SRPK2: variants seen among roughly 807,000 people sequenced by gnomAD.
The protein encoded by SRPK2 is SRSF protein kinase 2.
Under a neutral mutation model 90.8 loss-of-function variants are expected in SRPK2, and 21 were observed. That is an observed-to-expected ratio of 0.23 (90% CI 0.16 to 0.33). The LOEUF (loss-of-function observed/expected upper bound fraction) is 0.33, where lower values mean the gene tolerates loss of function less well. Among genes scored for constraint, SRPK2 ranks in the 10% least tolerant of loss-of-function variants. The pLI, the probability that SRPK2 is intolerant of heterozygous loss-of-function variation, is 1.00. For missense variants in SRPK2, 620 were observed against 869.0 expected, an observed-to-expected ratio of 0.71 and a Z score of 3.60; for synonymous variants, 288 against 311.1, an observed-to-expected ratio of 0.93 and a Z score of 0.78.
chr7:105,297,737 ATTTTTTTTT>A (rs202204947), intron 2 of SRPK2, among the ~76,000 whole-genome samples: 4 of 120,098 alleles, frequency 3.3e-5, no homozygotes, highest in Non-Finnish European at 5.2e-5. Context: ...TAAGCTGTAA[ATTTTTTTTT>A]TTTTTTTTTT....
chr7:105,389,432 C>A, upstream of SRPK2: 1 of 1,198,732 alleles, frequency 8.3e-7, no homozygotes, highest in Non-Finnish European at 1.1e-6. Flanking sequence ...GCTGGGAAAC[C>A]TGGGTCCGCG....
chr7:105,237,797 A>G (rs1276009584), intron 2 of SRPK2, among the ~76,000 whole-genome samples: 1 of 152,220 alleles, frequency 6.6e-6, no homozygotes, highest in Non-Finnish European at 1.5e-5. Context: ...AGCACCATCC[A>G]GGGCAATTAA....
rs946900125 is a variant in SRPK2, at chr7:105,124,110, T to C, written c.1915+2138A>G. ...CCACGTGGAAGCTGCCTTCCAGCCATTTATGGCCACACGCAGGCCGCTCTC... is the reference window on the plus strand; with the variant it reads ...CCACGTGGAAGCTGCCTTCCAGCCACTTATGGCCACACGCAGGCCGCTCTC... On this transcript the variant is annotated intron_variant, in intron 15 of 15. Coordinates refer to ENST00000393651, the MANE Select transcript of SRPK2 (RefSeq NM_182692.3). Among the ~76,000 whole-genome samples, 116 of 152,170 alleles carry C rather than the reference T, an allele frequency of 7.6e-4. 2 individuals carry two copies. Among genetic ancestry groups the C allele is most frequent in the Non-Finnish European group, 2.5e-4 (17 of 68,028 alleles).
At chr7:105,385,553 C>T (rs114645604) in intron 2 of SRPK2, among the ~76,000 whole-genome samples, 4,527 of 152,206 alleles carry the variant, frequency 0.03, 249 homozygotes, top group African/African-American at 0.1. Flanking sequence ...AGGGTAGACA[C>T]GCTCTGACTC....
In SRPK2 at chr7:105,146,632, G is replaced by A. The variant is rs758674324; in HGVS notation, c.648C>T (p.His216=). The change falls in exon 8 of 16, where the codon CAC becomes CAT. Residue 216 remains histidine (H), a synonymous_variant. Coordinates refer to ENST00000393651, the MANE Select transcript of SRPK2 (RefSeq NM_182692.3). ...RQVLQGLDYL[H]SKCKIIHTDI... is the part of the protein sequence containing the mutation. ...CAGTATGAATGATCTTGCACTTACT[G>A]TGTAAGTAATCTAACCCTTGAAGGA... The A allele has an allele frequency of 6.2e-6, 10 of 1,614,024 alleles. No homozygotes were observed. The highest frequency in any genetic ancestry group is 8.5e-6 in the Non-Finnish European group (10 of 1,179,992).
intron 2 of SRPK2, among the ~76,000 whole-genome samples, chr7:105,380,659 G>A (rs977918647): frequency 1.1e-4 from 16 of 151,346 alleles, no homozygotes; most frequent in African/African-American, 3.6e-4. Context: ...GCATAGCTGG[G>A]ATTATAGGCA....
chr7:105,378,316 T>C (rs1480774525), intron 2 of SRPK2, among the ~76,000 whole-genome samples: 4 of 152,184 alleles, frequency 2.6e-5, no homozygotes, highest in African/African-American at 9.7e-5. Flanking sequence ...ACATAACTTA[T>C]ACATACATCC....
In SRPK2 at chr7:105,293,681, A is replaced by G. The variant is rs144677298; in HGVS notation, c.72-89896T>C. ...GTGATCTACCCACCTCAGCCTCCCA[A>G]AGGGTTGGGATTACAGGCGTGAGCC... On this transcript the variant is annotated intron_variant, in intron 2 of 15. Coordinates refer to ENST00000393651, the MANE Select transcript of SRPK2 (RefSeq NM_182692.3). 1.2e-3 allele frequency among the ~76,000 whole-genome samples: 181 copies of G among 152,122 alleles called. 2 individuals carry two copies. The East Asian group carries it at 0.034, about 29-fold the overall frequency.
At chr7:105,245,298 G>GT (rs1801491448) in intron 2 of SRPK2, among the ~76,000 whole-genome samples, 2 of 152,132 alleles carry the variant, frequency 1.3e-5, no homozygotes, top group Non-Finnish European at 1.5e-5. Context: ...CAGTGGGATG[G>GT]TAAGGGCAGC....
intron 2 of SRPK2, among the ~76,000 whole-genome samples, chr7:105,287,565 G>A (rs572405297): frequency 9.7e-4 from 147 of 151,980 alleles, no homozygotes; most frequent in Admixed American, 1.6e-3. Context: ...ACAAAACCCC[G>A]TCTCTGTTAA....
At chr7:105,309,190 A>C (rs2131362489) in intron 2 of SRPK2, among the ~76,000 whole-genome samples, 1 of 152,328 alleles carries the variant, frequency 6.6e-6, no homozygotes, top group African/African-American at 2.4e-5. Flanking sequence ...AAAGGAATTA[A>C]AAACTTCTTC....
chr7:105,241,881 T>C (rs1331910236), intron 2 of SRPK2, among the ~76,000 whole-genome samples: 11 of 152,104 alleles, frequency 7.2e-5, no homozygotes, highest in Admixed American at 6.5e-4. Context: ...ACCACACCTA[T>C]AGATGACCAT....
At position 105,141,973 on chromosome 7, in the gene SRPK2, G is replaced by T. The variant is rs773807552; in HGVS notation, c.1543+35C>A. On this transcript the variant is annotated intron_variant, in intron 11 of 15. Coordinates refer to ENST00000393651, the MANE Select transcript of SRPK2 (RefSeq NM_182692.3). ...TGTTAAAGGCACGTCCCTGGAGTCA[G>T]CGATGGCAGACAGTTGATGGGAAGA... 1.9e-6 allele frequency: 3 copies of T among 1,575,704 alleles called. No homozygotes were observed. In the South Asian group the frequency reaches 3.6e-5, roughly 19 times the overall value.
chr7:105,157,590 TAAAG>T (rs1806711442), intron 7 of SRPK2, among the ~76,000 whole-genome samples: 1 of 152,176 alleles, frequency 6.6e-6, no homozygotes, highest in Admixed American at 6.5e-5. Flanking sequence ...ATATTTTTCT[TAAAG>T]AAAGATGGGT....
intron 2 of SRPK2, among the ~76,000 whole-genome samples, chr7:105,225,653 AT>A (rs1181625651): frequency 1.3e-5 from 2 of 152,224 alleles, no homozygotes; most frequent in East Asian, 1.9e-4. Context: ...TACAATTTTA[AT>A]TGTATTTATA....
chr7:105,126,054 G>A (rs1215704410), intron 15 of SRPK2, among the ~76,000 whole-genome samples, 194 bp downstream of exon 15: 1 of 152,206 alleles, frequency 6.6e-6, no homozygotes, highest in Non-Finnish European at 1.5e-5. Context: ...CAGGAGAGGG[G>A]CTGGTGAACA....
At chr7:105,236,196 C>G (rs566643938) in intron 2 of SRPK2, among the ~76,000 whole-genome samples, 1 of 152,284 alleles carries the variant, frequency 6.6e-6, no homozygotes, top group South Asian at 2.1e-4. Flanking sequence ...TTATGCTAGA[C>G]GCTGTTCATC....
intron 2 of SRPK2, among the ~76,000 whole-genome samples, chr7:105,219,450 A>T (rs970491844): frequency 6.6e-6 from 1 of 152,036 alleles, no homozygotes; most frequent in Admixed American, 6.5e-5. Flanking sequence ...TACTTTTTTC[A>T]CCCTTCCCTT....
At chr7:105,298,300 G>A (rs1563209057) in intron 2 of SRPK2, among the ~76,000 whole-genome samples, 1 of 152,130 alleles carries the variant, frequency 6.6e-6, no homozygotes, top group African/African-American at 2.4e-5. Context: ...CTTGCTGCAT[G>A]TATTAGTAGT....
Sources: gnomAD v4.1 joint callset for allele counts (sites outside exome capture counted in the v4.1 genomes callset) on GRCh38, gnomAD v4.1.1 for gene constraint, MANE v1.5 for transcripts, NCBI Gene and HGNC (gene_info 2026-07-23, HGNC 2026-07-21) for gene names.